Variants in STK39 observed in about 807,000 individuals in gnomAD.
STK39 encodes serine/threonine kinase 39.
Under a neutral mutation model 77.8 loss-of-function variants are expected in STK39, and 20 were observed. The ratio of observed to expected loss-of-function variants is 0.26; its 90% confidence interval spans 0.18 to 0.37. STK39 has a LOEUF of 0.37. Among genes scored for constraint, STK39 ranks in the 10% least tolerant of loss-of-function variants. STK39 has a pLI of 1.00. For missense variants in STK39, 479 were observed against 656.5 expected (o/e 0.73, Z 2.95); for synonymous variants, 246 against 234.1 (o/e 1.05, Z -0.47).
chr2:168,179,640 A>T (rs1474342897), intron 2 of STK39, among the ~76,000 whole-genome samples: 1 of 152,256 alleles, frequency 6.6e-6, no homozygotes, highest in Non-Finnish European at 1.5e-5. Context: ...AAGCAAACTC[A>T]TAAATCCTAA....
At chr2:168,103,472 T>A (rs531309246) in intron 10 of STK39, among the ~76,000 whole-genome samples, 2 of 152,210 alleles carry the variant, frequency 1.3e-5, no homozygotes, top group African/African-American at 4.8e-5. Flanking sequence ...ACAGAAAACA[T>A]TGCCCTTCTT....
rs111686776 is a variant in STK39, at chr2:168,007,675, T to C, written c.1498+4959A>G. On this transcript the variant is annotated intron_variant, in intron 16 of 17. Transcript: ENST00000355999. ...TTAAGCACCAGGGGGTGGGCATATA[T>C]GGCCCTAAAGAAGGAGTGTCCTGGA... Among the ~76,000 whole-genome samples, 344 of 152,104 alleles carry C rather than the reference T, an allele frequency of 2.3e-3. 1 individual carries two copies. Among genetic ancestry groups the C allele is most frequent in the African/African-American group, 7.9e-3 (326 of 41,484 alleles).
At chr2:168,101,831 T>C (rs960466491) in intron 10 of STK39, among the ~76,000 whole-genome samples, 1 of 152,230 alleles carries the variant, frequency 6.6e-6, no homozygotes, top group African/African-American at 2.4e-5. Flanking sequence ...AATGGGAATG[T>C]CAATTGTTAG....
At chr2:168,138,680 A>G (rs1290190254) in intron 7 of STK39, among the ~76,000 whole-genome samples, 1 of 152,160 alleles carries the variant, frequency 6.6e-6, no homozygotes, top group Admixed American at 6.5e-5. Context: ...AAACCACAAC[A>G]TCCCAGGAGG....
At chr2:168,010,085 T>C (rs1684233177) in intron 16 of STK39, among the ~76,000 whole-genome samples, 1 of 152,210 alleles carries the variant, frequency 6.6e-6, no homozygotes, top group Non-Finnish European at 1.5e-5. Flanking sequence ...TTTTCTGTGT[T>C]CCTAGCCACC....
At chr2:168,124,852 A>C (rs1421662276) in intron 10 of STK39, among the ~76,000 whole-genome samples, 1 of 152,198 alleles carries the variant, frequency 6.6e-6, no homozygotes, top group East Asian at 1.9e-4. Context: ...TGAGACCATC[A>C]TTCTCAGCAA....
At chr2:167,998,643 TTTTGC>T (rs1683913991) in intron 16 of STK39, among the ~76,000 whole-genome samples, 1 of 146,822 alleles carries the variant, frequency 6.8e-6, no homozygotes, top group African/African-American at 2.6e-5. Context: ...TGTTTGTTTG[TTTTGC>T]CTTTTCTAGG....
At chr2:168,175,687 T>C (rs1056902706) in intron 2 of STK39, among the ~76,000 whole-genome samples, 1 of 152,210 alleles carries the variant, frequency 6.6e-6, no homozygotes, top group African/African-American at 2.4e-5. Context: ...AATGTTTTTG[T>C]GCTTTCAAAA....
At chr2:168,127,370 C>T (rs1004894650) in intron 10 of STK39, among the ~76,000 whole-genome samples, 9 of 152,142 alleles carry the variant, frequency 5.9e-5, no homozygotes, top group African/African-American at 1.4e-4. Context: ...GGGATGGTCT[C>T]GATCTCCCGA....
At chr2:168,073,133 C>T (rs1048316287) in intron 12 of STK39, among the ~76,000 whole-genome samples, 33 of 152,158 alleles carry the variant, frequency 2.2e-4, no homozygotes, top group Non-Finnish European at 4.1e-4. Flanking sequence ...GATCAACTCA[C>T]GGCACACTAC....
chr2:167,970,489 C>A (rs549718326), intron 16 of STK39, among the ~76,000 whole-genome samples: 2 of 152,314 alleles, frequency 1.3e-5, no homozygotes, highest in African/African-American at 2.4e-5. Context: ...AGTTTGCATA[C>A]AATTTAGAGG....
chr2:168,067,552 C>CT lies in STK39; in HGVS notation c.1243-2172dup, dbSNP rs577245702. Among the ~76,000 whole-genome samples the CT allele has an allele frequency of 5.1e-3, 775 of 151,274 alleles. 4 individuals are homozygous for CT. Among genetic ancestry groups the CT allele is most frequent in the Non-Finnish European group, 8.9e-3 (603 of 67,802 alleles). On this transcript the variant is annotated intron_variant, in intron 12 of 17. Transcript: ENST00000355999. Reference sequence around the variant, plus strand: ...GCAGAACCGTGAGTCAATTATATCTCTTTTTTTTTTCCTAAATAACCCACT... The same window carrying CT: ...GCAGAACCGTGAGTCAATTATATCTCTTTTTTTTTTTCCTAAATAACCCACT...
At chr2:168,095,672 G>A (rs567485841) in intron 10 of STK39, among the ~76,000 whole-genome samples, 63 of 138,902 alleles carry the variant, frequency 4.5e-4, no homozygotes, top group Non-Finnish European at 8.0e-4. Flanking sequence ...TGTCGCCCAG[G>A]CTGGAGTGCA....
At chr2:168,050,202 G>A (rs868497050) in intron 14 of STK39, among the ~76,000 whole-genome samples, 11 of 152,136 alleles carry the variant, frequency 7.2e-5, no homozygotes, top group African/African-American at 2.7e-4. Flanking sequence ...CCTACTTCAG[G>A]GAAGCCTGAA....
At chr2:168,006,696 G>A (rs543549023) in intron 16 of STK39, among the ~76,000 whole-genome samples, 6 of 152,208 alleles carry the variant, frequency 3.9e-5, no homozygotes, top group South Asian at 2.1e-4. Context: ...ACACCCACCC[G>A]CGAGGCCTTG....
chr2:168,090,210 G>A (rs1488164014), intron 10 of STK39, among the ~76,000 whole-genome samples: 6 of 152,180 alleles, frequency 3.9e-5, no homozygotes, highest in African/African-American at 1.2e-4. Flanking sequence ...CATGTATCCC[G>A]AAAGTAAGAT....
intron 16 of STK39, among the ~76,000 whole-genome samples, chr2:167,987,305 A>G (rs918588968): frequency 2.6e-5 from 4 of 152,098 alleles, no homozygotes; most frequent in Non-Finnish European, 5.9e-5. Context: ...GGATTTACAG[A>G]TTTAGATTAG....
intron 2 of STK39, among the ~76,000 whole-genome samples, chr2:168,170,335 A>G (rs1240800615): frequency 1.3e-5 from 2 of 152,222 alleles, no homozygotes; most frequent in African/African-American, 4.8e-5. Flanking sequence ...TATCCCTAAA[A>G]ATGACAAAAC....
chr2:168,070,889 A>G (rs2105397431), intron 12 of STK39, among the ~76,000 whole-genome samples: 1 of 152,252 alleles, frequency 6.6e-6, no homozygotes, highest in South Asian at 2.1e-4. Context: ...AGGATAAGTA[A>G]TGCAATTCTA....
Sources: allele counts gnomAD v4.1 joint callset (sites outside exome capture counted in the v4.1 genomes callset), GRCh38; gene constraint gnomAD v4.1.1; transcripts MANE v1.5; gene names NCBI Gene and HGNC (gene_info 2026-07-23, HGNC 2026-07-21).